The following CADPS2 variants were observed in gnomAD, a reference collection of about 807,000 sequenced individuals.
The protein encoded by CADPS2 is calcium dependent secretion activator 2, also known as calcium-dependent secretion activator 2.
A neutral mutation model predicts 172.5 loss-of-function variants in CADPS2; 93 were observed. The observed-to-expected ratio is 0.54, with a 90% CI of 0.46 to 0.64. CADPS2 has a LOEUF of 0.64. Ranked by LOEUF, CADPS2 falls within the 30% of genes least tolerant of loss-of-function variation. The pLI is 0.00. For missense variants in CADPS2, 1,420 were observed against 1,565.9 expected, an observed-to-expected ratio of 0.91 and a Z score of 1.57; for synonymous variants, 546 against 555.2, an observed-to-expected ratio of 0.98 and a Z score of 0.23.
chr7:122,425,400 C>A (rs2049030557), intron 17 of CADPS2, among the ~76,000 whole-genome samples: 1 of 125,656 alleles, frequency 8.0e-6, no homozygotes, highest in Non-Finnish European at 1.6e-5. Flanking sequence ...CCAGCCTGGG[C>A]AACGTGGCGA....
intron 11 of CADPS2, among the ~76,000 whole-genome samples, chr7:122,486,299 G>A (rs1265468776): frequency 2.0e-5 from 3 of 152,156 alleles, no homozygotes; most frequent in Non-Finnish European, 4.4e-5. Flanking sequence ...CATTCCAAAT[G>A]CCATTAAGAA....
At chr7:122,460,352 T>G (rs2054299240) in intron 14 of CADPS2, among the ~76,000 whole-genome samples, 2 of 151,704 alleles carry the variant, frequency 1.3e-5, no homozygotes, top group Admixed American at 6.6e-5. Flanking sequence ...ATATCAATAC[T>G]GAGAAAGCTT....
intron 7 of CADPS2, among the ~76,000 whole-genome samples, chr7:122,573,297 T>C (rs2067520901): frequency 6.6e-6 from 1 of 152,032 alleles, no homozygotes; most frequent in African/African-American, 2.4e-5. Flanking sequence ...ATCCCTACAC[T>C]TTGGGAGGTT....
chr7:122,374,431 A>ATAAAG (rs2042110330), intron 25 of CADPS2, among the ~76,000 whole-genome samples: 1 of 152,090 alleles, frequency 6.6e-6, no homozygotes, highest in African/African-American at 2.4e-5. Flanking sequence ...ATAAAATAAA[A>ATAAAG]TAAATAAGTA....
At chr7:122,671,930 C>T (rs919518827) in intron 2 of CADPS2, among the ~76,000 whole-genome samples, 1 of 152,042 alleles carries the variant, frequency 6.6e-6, no homozygotes, top group Non-Finnish European at 1.5e-5. Context: ...TTACTGATTC[C>T]TATTATATGC....
chr7:122,715,624 C>T (rs1055561320), intron 2 of CADPS2, among the ~76,000 whole-genome samples: 10 of 151,892 alleles, frequency 6.6e-5, no homozygotes, highest in East Asian at 3.9e-4. Flanking sequence ...TGCTTTCCTA[C>T]GGACAAAGAT....
intron 3 of CADPS2, among the ~76,000 whole-genome samples, 190 bp downstream of exon 3, chr7:122,663,047 C>T (rs1006258637): frequency 6.6e-6 from 1 of 152,224 alleles, no homozygotes; most frequent in Non-Finnish European, 1.5e-5. Flanking sequence ...TGATATTCTT[C>T]TCCTTCTACC....
At chr7:122,341,324 A>G (rs2036755983) in intron 28 of CADPS2, among the ~76,000 whole-genome samples, 2 of 152,234 alleles carry the variant, frequency 1.3e-5, no homozygotes, top group Admixed American at 6.5e-5. Flanking sequence ...ACTGAAGTAC[A>G]AGACCCTTTA....
At chr7:122,567,882 G>T (rs2066671880) in intron 7 of CADPS2, among the ~76,000 whole-genome samples, 1 of 151,632 alleles carries the variant, frequency 6.6e-6, no homozygotes, top group South Asian at 2.1e-4. Flanking sequence ...AGGAGAAACG[G>T]GATAACAGAA....
intron 3 of CADPS2, among the ~76,000 whole-genome samples, chr7:122,640,632 A>T (rs1316668876): frequency 6.6e-6 from 1 of 151,958 alleles, no homozygotes; most frequent in Non-Finnish European, 1.5e-5. Context: ...AAAAATAAAA[A>T]TAAAAAAAAA....
chr7:122,504,417 C>A (rs977774777), intron 9 of CADPS2, among the ~76,000 whole-genome samples: 1 of 152,086 alleles, frequency 6.6e-6, no homozygotes, highest in African/African-American at 2.4e-5. Flanking sequence ...ATAGTCAGCA[C>A]CTGATTGACT....
intron 6 of CADPS2, among the ~76,000 whole-genome samples, chr7:122,592,640 T>C (rs868037337): frequency 6.6e-5 from 10 of 152,070 alleles, no homozygotes; most frequent in Admixed American, 6.6e-5. Context: ...ATATACACCA[T>C]GGAATACTAT....
intron 1 of CADPS2, among the ~76,000 whole-genome samples, chr7:122,764,553 AAC>A (rs1212771377): frequency 6.6e-6 from 1 of 151,288 alleles, no homozygotes; most frequent in South Asian, 2.1e-4. Flanking sequence ...TCAGTGTGTA[AAC>A]ACAGTGTAAG....
At chr7:122,591,395 A>C (rs1162105895) in intron 6 of CADPS2, among the ~76,000 whole-genome samples, 1 of 152,172 alleles carries the variant, frequency 6.6e-6, no homozygotes, top group African/African-American at 2.4e-5. Flanking sequence ...CAATATCGTG[A>C]AAATGGCCAT....
chr7:122,882,527 C>T (rs1823188212), intron 1 of CADPS2, among the ~76,000 whole-genome samples: 1 of 151,840 alleles, frequency 6.6e-6, no homozygotes, highest in Non-Finnish European at 1.5e-5. Flanking sequence ...AGTCTGTGAA[C>T]TCACATTTAT....
chr7:122,755,227 T>C (rs1311379889), intron 1 of CADPS2, among the ~76,000 whole-genome samples: 2 of 152,214 alleles, frequency 1.3e-5, no homozygotes, highest in Non-Finnish European at 2.9e-5. Context: ...GTAAACATTA[T>C]CAAGTTATGC....
At chr7:122,744,185 G>C (rs1028514804) in intron 1 of CADPS2, among the ~76,000 whole-genome samples, 4 of 152,106 alleles carry the variant, frequency 2.6e-5, no homozygotes, top group African/African-American at 9.7e-5. Context: ...TTCTTTTCCT[G>C]CTGAATGGAA....
chr7:122,492,206 T>A (rs34621721), intron 9 of CADPS2, among the ~76,000 whole-genome samples: 4,244 of 151,794 alleles, frequency 0.028, 160 homozygotes, highest in African/African-American at 0.09. Context: ...ATAAATTAAT[T>A]AATTAATTAA....
chr7:122,834,441 G>C (rs1478035064), intron 1 of CADPS2, among the ~76,000 whole-genome samples: 1 of 152,118 alleles, frequency 6.6e-6, no homozygotes. Flanking sequence ...AGTGGGTGCA[G>C]GACAGCGGGT....
Sources: allele counts gnomAD v4.1 joint callset (sites outside exome capture counted in the v4.1 genomes callset), GRCh38; gene constraint gnomAD v4.1.1; transcripts MANE v1.5; gene names NCBI Gene and HGNC (gene_info 2026-07-23, HGNC 2026-07-21).